The following HIPK3 variants were observed in gnomAD, a reference collection of about 807,000 sequenced individuals.
HIPK3 encodes the protein homeodomain interacting protein kinase 3, also known as homeodomain-interacting protein kinase 3.
In HIPK3, 47 loss-of-function variants were observed where a neutral mutation model predicts 124.2. That is an observed-to-expected ratio of 0.38 (90% CI 0.30 to 0.48). The LOEUF (loss-of-function observed/expected upper bound fraction) is 0.48, where lower values mean the gene tolerates loss of function less well. HIPK3 is among the 20% of genes least tolerant of loss of function. The probability of loss-of-function intolerance (pLI) is 0.98; values close to 1 mark genes in which losing one functional copy is unlikely to be tolerated. For synonymous variants in HIPK3, 482 were observed against 515.2 expected (o/e 0.94, Z 0.87); for missense variants, 1,286 against 1,454.3 (o/e 0.88, Z 1.88).
intron 5 of HIPK3, 22 bp from the exon 6 acceptor site, chr11:33,339,328 C>T (rs894663166): frequency 2.1e-6 from 3 of 1,451,650 alleles, no homozygotes; most frequent in African/African-American, 5.6e-5. Context: ...TACTTGATGG[C>T]TTGAAATTTT....
intron 4 of HIPK3, among the ~76,000 whole-genome samples, chr11:33,338,322 C>G (rs1490096595): frequency 6.6e-6 from 1 of 152,200 alleles, no homozygotes; most frequent in Admixed American, 6.5e-5. Flanking sequence ...CAACCTCCGC[C>G]TCCCAGGTTC....
chr11:33,273,512 CAAAAAAAAAAAA>C (rs398015727), intron 1 of HIPK3, among the ~76,000 whole-genome samples: 41 of 48,038 alleles, frequency 8.5e-4, no homozygotes, highest in South Asian at 9.5e-4. Flanking sequence ...TCTGTCTCCA[CAAAAAAAAAAAA>C]AAAAAAAAAA....
In HIPK3 at chr11:33,351,834, G is replaced by A. The variant is rs1434156008; in HGVS notation, c.3034G>A (p.Ala1012Thr). Residue 1012 changes from alanine to threonine, a missense_variant, in exon 15 of 17, where the codon GCA becomes ACA. Transcript: ENST00000303296. ...TGGCTTAAATGCCGATGAGCATATG[G>A]CAAACACAGGTAAGTTGAGTCCTCC... ...ENGLNADEHM[A>T]NTDSICQPLI... 5 of 1,611,750 alleles carry A rather than the reference G, an allele frequency of 3.1e-6. No individual in the cohort carries two copies. Among genetic ancestry groups the A allele is most frequent in the Admixed American group, 1.7e-5 (1 of 59,888 alleles).
chr11:33,284,898 T>G (rs1851507922), intron 1 of HIPK3, among the ~76,000 whole-genome samples: 1 of 152,200 alleles, frequency 6.6e-6, no homozygotes, highest in East Asian at 1.9e-4. Context: ...AAGGCAGATC[T>G]AACACCTGTG....
chr11:33,286,295 T>C, intron 1 of HIPK3, 118 bp from the exon 2 acceptor site: 1 of 893,860 alleles, frequency 1.1e-6, no homozygotes, highest in Non-Finnish European at 1.6e-6. Flanking sequence ...TTTTTACAAA[T>C]TGTGAATTTG....
chr11:33,267,698 G>C (rs1851008444), intron 1 of HIPK3, among the ~76,000 whole-genome samples: 3 of 150,484 alleles, frequency 2.0e-5, no homozygotes, highest in Admixed American at 2.0e-4. Context: ...GGGTTTCACT[G>C]TGTTAGCCCG....
chr11:33,344,357 G>C (rs1217233286), intron 8 of HIPK3, among the ~76,000 whole-genome samples: 1 of 152,162 alleles, frequency 6.6e-6, no homozygotes, highest in Non-Finnish European at 1.5e-5. Flanking sequence ...AAATCAGTTT[G>C]AGGGTCACCA....
intron 2 of HIPK3, among the ~76,000 whole-genome samples, chr11:33,288,719 C>T (rs4388862): frequency 0.13 from 20,038 of 152,178 alleles, 1,879 homozygotes; most frequent in East Asian, 0.35. Flanking sequence ...ACTGAAAACT[C>T]ATTCTGGAGT....
intron 1 of HIPK3, among the ~76,000 whole-genome samples, chr11:33,285,609 CAT>C (rs1851528187): frequency 6.6e-6 from 1 of 150,926 alleles, no homozygotes; most frequent in Admixed American, 6.6e-5. Flanking sequence ...TTAAAGCAGA[CAT>C]AGATTTTTTT....
chr11:33,347,427 T>A lies in HIPK3; in HGVS notation c.2019+13T>A, dbSNP rs762104662. The stretch of plus-strand genomic sequence containing the variant: ...AGTTCTTTCTCAGGTTGGTAATAAT[T>A]CATTCTTTGCCATATATCAGCTTGT... On this transcript the variant is annotated intron_variant, in intron 9 of 16. Coordinates refer to ENST00000303296, the MANE Select transcript of HIPK3 (RefSeq NM_005734.5). The A allele has an allele frequency of 7.4e-6, 12 of 1,612,936 alleles. 1 individual carries two copies. The South Asian group carries it at 1.3e-4, about 18-fold the overall frequency.
At chr11:33,294,654 G>T (rs552086738) in intron 2 of HIPK3, among the ~76,000 whole-genome samples, 15 of 151,840 alleles carry the variant, frequency 9.9e-5, no homozygotes, top group African/African-American at 3.6e-4. Flanking sequence ...GCCCAGGCTG[G>T]AGTGCAATGG....
chr11:33,325,485 C>A (rs1206489011), intron 2 of HIPK3, among the ~76,000 whole-genome samples: 2 of 152,300 alleles, frequency 1.3e-5, no homozygotes, highest in African/African-American at 4.8e-5. Flanking sequence ...TAGTGAATCT[C>A]ATTTCCACGC....
At chr11:33,294,212 C>T (rs956713147) in intron 2 of HIPK3, among the ~76,000 whole-genome samples, 1 of 151,220 alleles carries the variant, frequency 6.6e-6, no homozygotes, top group African/African-American at 2.4e-5. Context: ...GAAGTTTAAA[C>T]TTTTTTAGTT....
chr11:33,286,953 G>A lies in HIPK3; in HGVS notation c.539G>A (p.Gly180Asp). The change falls in exon 2 of 17, where the codon GGT (glycine) becomes GAT (aspartate). Residue 180 changes from glycine (G) to aspartate (D), a missense_variant. Physicochemically the swap from Gly to Asp is moderately conservative, Grantham distance 94. Coordinates refer to ENST00000303296, the MANE Select transcript of HIPK3 (RefSeq NM_005734.5). ...AAACAGAATTGTACCACTGGAGAAG[G>A]TGACTATCAGTTAGTACAGCATGAA... The part of the protein sequence containing the change: ...GSKQNCTTGE[G>D]DYQLVQHEVL... The A allele has an allele frequency of 6.2e-7, 1 of 1,614,152 alleles. No individual in the cohort carries two copies. Among genetic ancestry groups the A allele is most frequent in the Non-Finnish European group, 8.5e-7 (1 of 1,179,996 alleles).
At chr11:33,285,827 A>G (rs1305967392) in intron 1 of HIPK3, among the ~76,000 whole-genome samples, 1 of 151,922 alleles carries the variant, frequency 6.6e-6, no homozygotes, top group East Asian at 1.9e-4. Flanking sequence ...GCTGAAGTGC[A>G]GTGGTGCAAT....
chr11:33,302,191 G>C (rs182670488), intron 2 of HIPK3, among the ~76,000 whole-genome samples: 1 of 151,978 alleles, frequency 6.6e-6, no homozygotes, highest in Non-Finnish European at 1.5e-5. Flanking sequence ...GTAACTTCTA[G>C]GTTCCTTCCT....
chr11:33,270,990 T>A (rs1255021004), intron 1 of HIPK3, among the ~76,000 whole-genome samples: 1 of 152,192 alleles, frequency 6.6e-6, no homozygotes. Flanking sequence ...AAATTTAACC[T>A]CTTGTTAATG....
At chr11:33,279,307 A>G (rs1258301689) in intron 1 of HIPK3, among the ~76,000 whole-genome samples, 1 of 131,578 alleles carries the variant, frequency 7.6e-6, no homozygotes, top group African/African-American at 2.9e-5. Context: ...CAGGCAACAG[A>G]GGGAGACTCT....
In HIPK3 at chr11:33,341,011, C is replaced by A; in HGVS notation, c.1657C>A (p.Leu553Ile). Reference protein sequence around the residue: ...FHIMDICKSHLNSCDTNNHNK... With the variant: ...FHIMDICKSHINSCDTNNHNK... ...TATTATGGATATTTGTAAGTCCCAC[C>A]TAAATTCATGTGACACAAATAATCA... Residue 553 changes from leucine to isoleucine, a missense_variant, in exon 7 of 17, where the codon CTA becomes ATA. Around this residue, in one of 3 missense-constraint regions of HIPK3, gnomAD observed 810 missense variants for 864.9 expected, o/e 0.94. Transcript: ENST00000303296. 1 of 1,606,998 alleles carries A rather than the reference C, an allele frequency of 6.2e-7. No homozygotes were observed.
Sources: gnomAD v4.1 joint callset for allele counts (sites outside exome capture counted in the v4.1 genomes callset) on GRCh38, gnomAD v4.1.1 for gene constraint, gnomAD v4.1.1 regional missense constraint, MANE v1.5 for transcripts, NCBI Gene and HGNC (gene_info 2026-07-23, HGNC 2026-07-21) for gene names.